SRRM3: variants seen among roughly 807,000 people sequenced by gnomAD.
SRRM3 encodes serine/arginine repetitive matrix 3.
A neutral mutation model predicts 66.2 loss-of-function variants in SRRM3; 27 were observed. The observed-to-expected ratio is 0.41, with a 90% CI of 0.30 to 0.56. The LOEUF is 0.56. Among genes scored for constraint, SRRM3 ranks in the 20% least tolerant of loss-of-function variants. The pLI is 0.32. For missense variants in SRRM3, 918 were observed against 991.9 expected, an observed-to-expected ratio of 0.93 and a Z score of 1.00; for synonymous variants, 391 against 414.9, an observed-to-expected ratio of 0.94 and a Z score of 0.70.
chr7:76,238,054 C>T (rs960228300), intron 2 of SRRM3, among the ~76,000 whole-genome samples: 6 of 151,998 alleles, frequency 3.9e-5, no homozygotes, highest in African/African-American at 1.5e-4. Context: ...TCTGAAAAAC[C>T]AGCTCTTGAA....
At chr7:76,237,483 G>C (rs1554605091) in intron 2 of SRRM3, among the ~76,000 whole-genome samples, 1 of 152,208 alleles carries the variant, frequency 6.6e-6, no homozygotes, top group African/African-American at 2.4e-5. Flanking sequence ...GCTGAAGCAG[G>C]AGAATCGCTT....
chr7:76,265,704 C>T (rs1189108364), intron 10 of SRRM3, among the ~76,000 whole-genome samples: 1 of 147,318 alleles, frequency 6.8e-6, no homozygotes, highest in Non-Finnish European at 1.5e-5. Flanking sequence ...GCAACATAGA[C>T]TTCCTTCTTT....
At chr7:76,239,295 A>G (rs1237722056) in intron 2 of SRRM3, among the ~76,000 whole-genome samples, 2 of 152,108 alleles carry the variant, frequency 1.3e-5, no homozygotes, top group African/African-American at 4.8e-5. Context: ...CGGCCTCCCA[A>G]AGTGCTGGGA....
At chr7:76,212,187 G>A (rs1267827873) in intron 1 of SRRM3, among the ~76,000 whole-genome samples, 1 of 141,324 alleles carries the variant, frequency 7.1e-6, no homozygotes, top group East Asian at 2.0e-4. Flanking sequence ...TTTTGACAGG[G>A]TCTCAAACTG....
intron 3 of SRRM3, among the ~76,000 whole-genome samples, chr7:76,257,763 C>A (rs1223255952): frequency 6.6e-6 from 1 of 151,668 alleles, no homozygotes; most frequent in Non-Finnish European, 1.5e-5. Context: ...CAGGGTGAGA[C>A]CCTGTCTCAA....
chr7:76,210,483 C>G (rs1359494675), intron 1 of SRRM3, among the ~76,000 whole-genome samples: 2 of 152,180 alleles, frequency 1.3e-5, no homozygotes, highest in African/African-American at 2.4e-5. Flanking sequence ...GTCCTTGATT[C>G]ATTCATTCAT....
At chr7:76,252,415 G>C (rs1260019117) in intron 3 of SRRM3, among the ~76,000 whole-genome samples, 1 of 152,132 alleles carries the variant, frequency 6.6e-6, no homozygotes. Context: ...TACGCTTCCC[G>C]GGTTCAAGTG....
At chr7:76,264,226 GGC>G (rs1472891081) in intron 8 of SRRM3, among the ~76,000 whole-genome samples, 1 of 147,894 alleles carries the variant, frequency 6.8e-6, no homozygotes, top group African/African-American at 2.5e-5. Flanking sequence ...GGAGTGCAAA[GGC>G]GCGATCTCAG....
intron 11 of SRRM3, among the ~76,000 whole-genome samples, chr7:76,274,618 C>T (rs1332141863): frequency 6.6e-6 from 1 of 152,198 alleles, no homozygotes; most frequent in Admixed American, 6.5e-5. Context: ...TCCAAAAGAA[C>T]AGCCAGCAGG....
At chr7:76,211,368 G>A (rs1019630149) in intron 1 of SRRM3, among the ~76,000 whole-genome samples, 5 of 151,078 alleles carry the variant, frequency 3.3e-5, no homozygotes, top group Admixed American at 2.0e-4. Context: ...GCCAGGGTCC[G>A]GGCGGAGGAG....
intron 11 of SRRM3, chr7:76,269,513 G>A (rs1554610228): frequency 6.6e-6 from 1 of 151,698 alleles, no homozygotes; most frequent in East Asian, 1.9e-4. Context: ...AAATACTGGG[G>A]GTGGTATTCT....
chr7:76,230,281 A>C (rs1554604121), intron 1 of SRRM3, among the ~76,000 whole-genome samples: 1 of 152,178 alleles, frequency 6.6e-6, no homozygotes, highest in East Asian at 1.9e-4. Flanking sequence ...GCTCCTTTTG[A>C]GTATAGGTCA....
At position 76,261,513 on chromosome 7, in the gene SRRM3, C is replaced by T. The variant is rs111328824; in HGVS notation, c.639-33C>T. The T allele has an allele frequency of 3.5e-4, 561 of 1,608,996 alleles. 4 individuals are homozygous for T. The African/African-American group carries it at 6.1e-3, about 18-fold the overall frequency. Reference sequence around the variant, plus strand: ...TAGGTCTCCCCTGGGCCACCCCAGGCAGGCTCAAGAGAACTCCTTTATCGC... The same window carrying T: ...TAGGTCTCCCCTGGGCCACCCCAGGTAGGCTCAAGAGAACTCCTTTATCGC... On this transcript the variant is annotated intron_variant, in intron 7 of 14. Coordinates refer to ENST00000611745, the MANE Select transcript of SRRM3 (RefSeq NM_001110199.3).
rs563023067 is a variant in SRRM3, at chr7:76,275,580, G to A, written c.1009-5861G>A. Among the ~76,000 whole-genome samples, 29 of 152,174 alleles carry A rather than the reference G, an allele frequency of 1.9e-4. No individual in the cohort carries two copies. In the East Asian group the frequency reaches 5.6e-3, roughly 29 times the overall value. Reference sequence around the variant, plus strand: ...AGAAACTGTGTTGAAGCCCCATGAGGAAGAGGAGGGTCCGTCCTTGAGGAG... The same window carrying A: ...AGAAACTGTGTTGAAGCCCCATGAGAAAGAGGAGGGTCCGTCCTTGAGGAG... On this transcript the variant is annotated intron_variant, in intron 11 of 14. Transcript: ENST00000611745.
intron 8 of SRRM3, among the ~76,000 whole-genome samples, chr7:76,263,860 G>A (rs1027605783): frequency 3.9e-5 from 5 of 129,338 alleles, no homozygotes; most frequent in Non-Finnish European, 6.2e-5. Context: ...GCAACAGAGC[G>A]GGACTCTGTC....
chr7:76,209,953 A>G (rs1350732395), intron 1 of SRRM3, among the ~76,000 whole-genome samples: 1 of 152,172 alleles, frequency 6.6e-6, no homozygotes, highest in Non-Finnish European at 1.5e-5. Context: ...TAAGCTCTGG[A>G]GCAATGCCAT....
chr7:76,245,674 G>C (rs1488663625), intron 2 of SRRM3, among the ~76,000 whole-genome samples: 2 of 152,162 alleles, frequency 1.3e-5, no homozygotes, highest in East Asian at 1.9e-4. Context: ...TTTTCTTGTT[G>C]GTTTTTTGTT....
At chr7:76,205,551 T>A (rs1554601053) in intron 1 of SRRM3, among the ~76,000 whole-genome samples, 1 of 152,162 alleles carries the variant, frequency 6.6e-6, no homozygotes, top group Non-Finnish European at 1.5e-5. Context: ...ACTCTCCTAT[T>A]TTCCCCAAAA....
chr7:76,283,405 G>T (rs2117122808), intron 14 of SRRM3: 2 of 537,636 alleles, frequency 3.7e-6, no homozygotes, highest in East Asian at 7.3e-5. Flanking sequence ...GGGTCTGGGT[G>T]GGCCGCAGCC....
Sources: gnomAD v4.1 joint callset for allele counts (sites outside exome capture counted in the v4.1 genomes callset) on GRCh38, gnomAD v4.1.1 for gene constraint, MANE v1.5 for transcripts, NCBI Gene and HGNC (gene_info 2026-07-23, HGNC 2026-07-21) for gene names.